Variants in DYSF observed in about 807,000 individuals in gnomAD.
The protein encoded by DYSF is dysferlin.
A neutral mutation model predicts 274.9 loss-of-function variants in DYSF; 212 were observed. That is an observed-to-expected ratio of 0.77 (90% confidence interval 0.69 to 0.86). The LOEUF is 0.86. Among genes scored for constraint, DYSF ranks in the 40% least tolerant of loss-of-function variants. DYSF has a pLI of 0.00. For missense variants in DYSF, 2,666 were observed against 2,783.2 expected (o/e 0.96, Z 0.95); for synonymous variants, 1,091 against 1,078.7 (o/e 1.01, Z -0.22).
intron 21 of DYSF, 132 bp from the exon 22 acceptor site, chr2:71,555,833 G>A: frequency 1.3e-6 from 1 of 755,130 alleles, no homozygotes; most frequent in Non-Finnish European, 2.3e-6. Context: ...GTTGGGCCTG[G>A]ACTCTGCCTT....
At position 71,598,698 on chromosome 2, in the gene DYSF, G is replaced by A; in HGVS notation, c.3709G>A (p.Glu1237Lys). 1 of 1,613,824 alleles carries A rather than the reference G, an allele frequency of 6.2e-7. No individual in the cohort carries two copies. Among genetic ancestry groups the A allele is most frequent in the South Asian group, 1.1e-5 (1 of 91,082 alleles). Residue 1237 changes from glutamate (E) to lysine (K), a missense_variant, in exon 33 of 56, where the codon GAG (glutamate) becomes AAG (lysine). Glu to Lys is a moderately conservative substitution (Grantham distance 56). Transcript: ENST00000410020. ...CTTTGGCGAGCCGGCCACAGTTGCT[G>A]AGCAACCGCCCAGCATTGTGGTGGA... ...EIFGEPATVA[E>K]QPPSIVVELY...
At chr2:71,478,591 A>G (rs992957356) in intron 1 of DYSF, among the ~76,000 whole-genome samples, 4 of 152,192 alleles carry the variant, frequency 2.6e-5, no homozygotes, top group African/African-American at 9.6e-5. Context: ...CACAGGAAAT[A>G]AGTGTTTTAT....
chr2:71,577,833 T>C (rs891729503), intron 30 of DYSF, among the ~76,000 whole-genome samples: 2 of 152,118 alleles, frequency 1.3e-5, no homozygotes, highest in Non-Finnish European at 2.9e-5. Flanking sequence ...CCCTGCCTCC[T>C]GGGGAAGGTG....
chr2:71,542,171 C>T lies in DYSF; in HGVS notation c.1576+2932C>T, dbSNP rs544894387. Among the ~76,000 whole-genome samples, 13 of 152,210 alleles carry T rather than the reference C, an allele frequency of 8.5e-5. No homozygotes were observed. In the East Asian group the frequency reaches 1.2e-3, roughly 14 times the overall value. On this transcript the variant is annotated intron_variant, in intron 17 of 55. Transcript: ENST00000410020. Reference sequence around the variant, plus strand: ...CTTACAAGTCCCAACCCTCATGAGGCGGTTGTAAAAATCATGAGGTTATAA... The same window carrying T: ...CTTACAAGTCCCAACCCTCATGAGGTGGTTGTAAAAATCATGAGGTTATAA...
intron 1 of DYSF, among the ~76,000 whole-genome samples, chr2:71,480,309 G>A (rs2082776769): frequency 6.6e-6 from 1 of 152,128 alleles, no homozygotes; most frequent in African/African-American, 2.4e-5. Flanking sequence ...CAAGGTGGGA[G>A]GATCGCTTGA....
At chr2:71,672,144 C>G (rs1310829746) in intron 51 of DYSF, among the ~76,000 whole-genome samples, 1 of 149,434 alleles carries the variant, frequency 6.7e-6, no homozygotes, top group Non-Finnish European at 1.5e-5. Context: ...CCACGTGGCT[C>G]TGAAGTCAAC....
intron 3 of DYSF, among the ~76,000 whole-genome samples, chr2:71,482,959 C>T (rs1168378020): frequency 1.3e-5 from 2 of 152,080 alleles, no homozygotes; most frequent in African/African-American, 2.4e-5. Context: ...GAAAGCCTGG[C>T]TGTGTTGCCC....
chr2:71,577,771 C>T (rs1008673057), intron 30 of DYSF, among the ~76,000 whole-genome samples: 1 of 152,196 alleles, frequency 6.6e-6, no homozygotes, highest in Non-Finnish European at 1.5e-5. Context: ...GAGCTGCTGT[C>T]TTTGTCCCGG....
upstream of DYSF, among the ~76,000 whole-genome samples, chr2:71,465,788 T>G (rs2081495290): frequency 1.3e-5 from 2 of 151,978 alleles, no homozygotes; most frequent in Admixed American, 1.3e-4. Context: ...GGGATAGAAG[T>G]GCGAAGCCAG....
intron 35 of DYSF, 86 bp downstream of exon 35, chr2:71,601,614 A>G: frequency 6.3e-7 from 1 of 1,576,896 alleles, no homozygotes; most frequent in Non-Finnish European, 8.7e-7. Flanking sequence ...AAGGGTGGCC[A>G]GGCATTACCG....
intron 12 of DYSF, 149 bp from the exon 13 acceptor site, chr2:71,526,071 C>T: frequency 7.1e-7 from 1 of 1,408,332 alleles, no homozygotes; most frequent in Non-Finnish European, 9.9e-7. Context: ...AGGACCTTGC[C>T]CGAGACCACG....
In DYSF at chr2:71,590,322, G is replaced by T. The variant is rs188015008; in HGVS notation, c.3574+34G>T. The T allele has an allele frequency of 4.6e-3, 7,415 of 1,611,664 alleles. 28 individuals carry two copies. The highest frequency in any genetic ancestry group is 6.3e-3 in the Middle Eastern group (38 of 6,056). On this transcript the variant is annotated intron_variant, in intron 32 of 55. Transcript: ENST00000410020. ...GAGAGAGGCAGGAGAGTCAGAGACT[G>T]TGGGCTGAGATCTGGGAATGGAGAC...
chr2:71,563,503 A>AGG, intron 23 of DYSF, among the ~76,000 whole-genome samples: 1 of 152,274 alleles, frequency 6.6e-6, no homozygotes, highest in African/African-American at 2.4e-5. Flanking sequence ...TAGGGGCCTC[A>AGG]CAGTTTTGTT....
chr2:71,660,438 C>T, intron 44 of DYSF, 122 bp from the exon 45 acceptor site: 1 of 822,306 alleles, frequency 1.2e-6, no homozygotes, highest in Non-Finnish European at 2.1e-6. Flanking sequence ...TGGCAGGACA[C>T]AGCCCACATC....
chr2:71,660,412 G>C, intron 44 of DYSF, 148 bp from the exon 45 acceptor site: 1 of 709,946 alleles, frequency 1.4e-6, no homozygotes, highest in East Asian at 2.8e-5. Flanking sequence ...GTGGTGTGTG[G>C]GAGGGGGCCC....
chr2:71,487,656 C>T (rs551718217), intron 3 of DYSF, among the ~76,000 whole-genome samples: 3 of 152,226 alleles, frequency 2.0e-5, no homozygotes, highest in East Asian at 1.9e-4. Context: ...TTACAGGTGC[C>T]CACCATCTCA....
At chr2:71,552,508 A>G (rs1182589169) in intron 19 of DYSF, among the ~76,000 whole-genome samples, 2 of 152,192 alleles carry the variant, frequency 1.3e-5, no homozygotes, top group South Asian at 2.1e-4. Flanking sequence ...CCGTGCTCAG[A>G]GCCTGGAGGG....
At chr2:71,659,076 C>G in intron 44 of DYSF, 43 bp downstream of exon 44, 1 of 1,613,590 alleles carries the variant, frequency 6.2e-7, no homozygotes, top group Non-Finnish European at 8.5e-7. Context: ...GTAGCAGGCT[C>G]AGGTACAAGT....
intron 3 of DYSF, among the ~76,000 whole-genome samples, chr2:71,489,322 G>A (rs761385591): frequency 9.2e-5 from 14 of 152,114 alleles, no homozygotes; most frequent in South Asian, 2.1e-4. Context: ...ATGCATAGGT[G>A]GCAGCCTATG....
Sources: allele counts gnomAD v4.1 joint callset (sites outside exome capture counted in the v4.1 genomes callset), GRCh38; gene constraint gnomAD v4.1.1; transcripts MANE v1.5; gene names NCBI Gene and HGNC (gene_info 2026-07-23, HGNC 2026-07-21).